Variants in MAST3 observed in about 807,000 individuals in gnomAD.
The protein encoded by MAST3 is microtubule associated serine/threonine kinase 3, also known as microtubule-associated serine/threonine-protein kinase 3.
A neutral mutation model predicts 127.0 loss-of-function variants in MAST3; 43 were observed. The observed-to-expected ratio is 0.34, with a 90% CI of 0.27 to 0.44. The LOEUF is 0.44. Among genes scored for constraint, MAST3 ranks in the 20% least tolerant of loss-of-function variants. The pLI, the probability that MAST3 is intolerant of heterozygous loss-of-function variation, is 1.00. For missense variants in MAST3, 1,390 were observed against 1,919.1 expected, an observed-to-expected ratio of 0.72 and a Z score of 5.15; for synonymous variants, 785 against 809.2, an observed-to-expected ratio of 0.97 and a Z score of 0.51.
intron 21 of MAST3, among the ~76,000 whole-genome samples, chr19:18,142,592 C>T (rs1308872704): frequency 4.6e-5 from 7 of 151,568 alleles, no homozygotes; most frequent in African/African-American, 1.5e-4. Context: ...CCTCGTGATC[C>T]GCCCTCCTCA....
chr19:18,128,876 T>C lies in MAST3; in HGVS notation c.1148T>C (p.Leu383Pro). ...PAPESPESRA[L>P]VGQSRRKPCE... is the part of the protein sequence containing the mutation. ...CTTCCCATCCCCTAGAGCCGCGCCC[T>C]GGTCGGCCAGTCACGGAGGAAGCCA... Residue 383 changes from leucine to proline, a missense_variant, in exon 13 of 28, where the codon CTG becomes CCG. Coordinates refer to ENST00000687212, the MANE Select transcript of MAST3 (RefSeq NM_001393504.1). 6.2e-7 allele frequency: 1 copy of C among 1,613,452 alleles called. No homozygotes were observed. Among genetic ancestry groups the C allele is most frequent in the Non-Finnish European group, 8.5e-7 (1 of 1,179,830 alleles).
intron 9 of MAST3, 57 bp downstream of exon 9, chr19:18,124,205 G>T: frequency 3.8e-6 from 6 of 1,589,696 alleles, no homozygotes; most frequent in Non-Finnish European, 5.1e-6. Context: ...GAGTGAGGGG[G>T]GTCCCCAGGC....
At chr19:18,133,471 C>T (rs957436284) in intron 15 of MAST3, among the ~76,000 whole-genome samples, 1 of 151,882 alleles carries the variant, frequency 6.6e-6, no homozygotes, top group African/African-American at 2.4e-5. Context: ...CCTCCGCCTA[C>T]CGGGTTCAAG....
At chr19:18,130,302 C>A (rs2041138223) in intron 13 of MAST3, among the ~76,000 whole-genome samples, 192 bp from the exon 14 acceptor site, 1 of 152,176 alleles carries the variant, frequency 6.6e-6, no homozygotes, top group East Asian at 1.9e-4. Flanking sequence ...TTTATATGGC[C>A]CCCAGCCATG....
chr19:18,128,994 G>A, intron 13 of MAST3, 43 bp downstream of exon 13: 1 of 1,560,480 alleles, frequency 6.4e-7, no homozygotes, highest in Non-Finnish European at 8.8e-7. Flanking sequence ...ACAGATGCCT[G>A]AGGGGATGGT....
At position 18,128,881 on chromosome 19, in the gene MAST3, G is replaced by C. The variant is rs371554060; in HGVS notation, c.1153G>C (p.Gly385Arg). 5.0e-5 allele frequency: 81 copies of C among 1,613,452 alleles called. No individual in the cohort carries two copies. Among genetic ancestry groups the C allele is most frequent in the Non-Finnish European group, 6.1e-5 (72 of 1,179,848 alleles). Reference sequence around the variant, plus strand: ...CATCCCCTAGAGCCGCGCCCTGGTCGGCCAGTCACGGAGGAAGCCATGCGA... The same window carrying C: ...CATCCCCTAGAGCCGCGCCCTGGTCCGCCAGTCACGGAGGAAGCCATGCGA... ...PESPESRALVGQSRRKPCESD... is the reference protein window; with the variant it reads ...PESPESRALVRQSRRKPCESD... Residue 385 changes from glycine to arginine, a missense_variant, in exon 13 of 28, where the codon GGC (glycine) becomes CGC (arginine). By Grantham distance (125) the Gly-to-Arg change is moderately radical (BLOSUM62 -2). This residue lies in a region of MAST3 where 277 missense variants were observed against 384.8 expected (regional missense o/e 0.72). Transcript: ENST00000687212.
intron 19 of MAST3, 22 bp downstream of exon 19, chr19:18,137,383 G>C (rs759843956): frequency 5.6e-6 from 9 of 1,603,914 alleles, no homozygotes; most frequent in African/African-American, 1.3e-5. Context: ...TCCCCCTGGA[G>C]GGGGGGCGGG....
At position 18,145,777 on chromosome 19, in the gene MAST3, G is replaced by A; in HGVS notation, c.3074G>A (p.Gly1025Asp). Residue 1025 changes from glycine to aspartate, a missense_variant, in exon 25 of 28, where the codon GGC (glycine) becomes GAC (aspartate). Gly to Asp is a moderately conservative substitution (Grantham distance 94). Around this residue, in one of 5 missense-constraint regions of MAST3, gnomAD observed 816 missense variants for 934.1 expected, o/e 0.87. Coordinates refer to ENST00000687212, the MANE Select transcript of MAST3 (RefSeq NM_001393504.1). This position sits in a 1 kb window ranked among gnomAD's most constrained non-coding sequence, Gnocchi z 5.9. Reference protein sequence around the residue: ...VEDGSPAQEAGLRAGDLITHI... With the variant: ...VEDGSPAQEADLRAGDLITHI... ...GACGGAAGCCCCGCCCAGGAGGCGG[G>A]CCTGCGGGCTGGGGACCTCATCACC... 2 of 1,592,588 alleles carry A rather than the reference G, an allele frequency of 1.3e-6. No homozygotes were observed. Among genetic ancestry groups the A allele is most frequent in the Non-Finnish European group, 1.7e-6 (2 of 1,172,514 alleles).
chr19:18,145,210 CTG>C lies in MAST3; in HGVS notation c.3023_3024del (p.Val1008AlafsTer134). The C allele has an allele frequency of 6.2e-7, 1 of 1,613,864 alleles. No individual in the cohort carries two copies. The highest frequency in any genetic ancestry group is 8.5e-7 in the Non-Finnish European group (1 of 1,179,814). ...TACATGGGTGATAGCGACGTCTACA[CTG>C]TGCACCACGTCGTCTGGGTGAGTGC... On this transcript the variant is annotated frameshift_variant, in exon 24 of 28. Transcript: ENST00000687212. LOFTEE classifies it high-confidence loss of function. This position sits in a 1 kb window ranked among gnomAD's most constrained non-coding sequence, Gnocchi z 5.9.
At chr19:18,106,498 A>G (rs542092256) in intron 1 of MAST3, among the ~76,000 whole-genome samples, 45 of 151,694 alleles carry the variant, frequency 3.0e-4, no homozygotes, top group African/African-American at 1.1e-3. Context: ...TGGCCTCCCA[A>G]AGTACTGGGA....
At position 18,147,482 on chromosome 19, in the gene MAST3, C is replaced by G. The variant is rs1452335942; in HGVS notation, c.3366C>G (p.Ser1122=). The change falls in exon 27 of 28, where the codon TCC becomes TCG. Residue 1122 remains serine (S), a synonymous_variant. Coordinates refer to ENST00000687212, the MANE Select transcript of MAST3 (RefSeq NM_001393504.1). ...TCAAGAAGATCTCCAAGCAGACCTC[C>G]GTGCTGCACACCAGCCGCAGCTTCT... The part of the protein sequence containing the change: ...SLFKKISKQT[S]VLHTSRSFSS... 7 of 1,613,292 alleles carry G rather than the reference C, an allele frequency of 4.3e-6. No individual in the cohort carries two copies. Among genetic ancestry groups the G allele is most frequent in the East Asian group, 2.2e-5 (1 of 44,844 alleles).
At chr19:18,127,835 G>A (rs1321032864) in intron 11 of MAST3, among the ~76,000 whole-genome samples, 1 of 98,764 alleles carries the variant, frequency 1.0e-5, no homozygotes, top group Non-Finnish European at 2.3e-5. Flanking sequence ...CTCCAGCCTG[G>A]GTGACAGAGC....
Position 18,110,621 on chromosome 19 carries a change from G to A in MAST3, c.72-31G>A. 2.1e-6 allele frequency: 2 copies of A among 975,460 alleles called. No homozygotes were observed. The highest frequency in any genetic ancestry group is 2.4e-6 in the Non-Finnish European group (2 of 820,464). The allele number at this position is 975,460 out of a possible 1,614,324, so 60.4% of individuals were successfully genotyped here. On this transcript the variant is annotated intron_variant, in intron 2 of 27. Coordinates refer to ENST00000687212, the MANE Select transcript of MAST3 (RefSeq NM_001393504.1). The surrounding 1 kb of genome is among the most constrained non-coding windows in gnomAD (Gnocchi z 4.3). ...CGGCCACACGAAGGGGCGGCCGCCA[G>A]GTTCACCGTCCCCGGCCTCTTTCTT...
intron 1 of MAST3, among the ~76,000 whole-genome samples, chr19:18,103,482 G>A (rs1049713789): frequency 6.6e-6 from 1 of 152,144 alleles, no homozygotes; most frequent in Non-Finnish European, 1.5e-5. Context: ...AGGTTGCAGT[G>A]AGACAAGATC....
Position 18,124,161 on chromosome 19 carries a change from T to C in MAST3, c.843+13T>C, listed in dbSNP as rs374436127. On this transcript the variant is annotated intron_variant, in intron 9 of 27. Coordinates refer to ENST00000687212, the MANE Select transcript of MAST3 (RefSeq NM_001393504.1). ...GCTTCTGCAGGATGTGCGTGGTTTT[T>C]CGCATGTTGAGGTTTTGCATGCAGT... is the stretch of plus-strand genomic sequence containing the variant. 2 of 1,604,548 alleles carry C rather than the reference T, an allele frequency of 1.2e-6. No homozygotes were observed. The highest frequency in any genetic ancestry group is 8.5e-7 in the Non-Finnish European group (1 of 1,175,838).
At chr19:18,128,229 T>C (rs775145627) in intron 11 of MAST3, among the ~76,000 whole-genome samples, 171 bp from the exon 12 acceptor site, 2 of 152,192 alleles carry the variant, frequency 1.3e-5, no homozygotes, top group Non-Finnish European at 2.9e-5. Flanking sequence ...TCCTAAGTCA[T>C]TGCTTCATCC....
chr19:18,142,513 G>A (rs916128665), intron 21 of MAST3, among the ~76,000 whole-genome samples: 10 of 151,726 alleles, frequency 6.6e-5, no homozygotes, highest in African/African-American at 9.7e-5. Context: ...CACCACACCC[G>A]GCTAATTTTT....
At chr19:18,113,962 T>G (rs2038943382) in intron 3 of MAST3, among the ~76,000 whole-genome samples, 1 of 152,230 alleles carries the variant, frequency 6.6e-6, no homozygotes, top group Non-Finnish European at 1.5e-5. Context: ...GCCACATGGC[T>G]GATCCTCCAG....
chr19:18,117,336 A>G (rs994028885), intron 3 of MAST3, among the ~76,000 whole-genome samples: 4 of 152,170 alleles, frequency 2.6e-5, no homozygotes, highest in African/African-American at 9.7e-5. Context: ...GTTTTCCTCC[A>G]ATTTCACAGT....
Sources: allele counts gnomAD v4.1 joint callset (sites outside exome capture counted in the v4.1 genomes callset), GRCh38; gene constraint gnomAD v4.1.1; regional missense constraint gnomAD v4.1.1; non-coding constraint Gnocchi (gnomAD v3.1); transcripts MANE v1.5; gene names NCBI Gene and HGNC (gene_info 2026-07-23, HGNC 2026-07-21).